The following TAP1 variants were observed in gnomAD, a reference collection of about 807,000 sequenced individuals.
TAP1 encodes the protein transporter 1, ATP binding cassette subfamily B member.
A neutral mutation model predicts 79.3 loss-of-function variants in TAP1; 56 were observed. That is an observed-to-expected ratio of 0.71 (90% CI 0.57 to 0.88). TAP1 has a LOEUF of 0.88. Ranked by LOEUF, TAP1 falls within the 40% of genes least tolerant of loss-of-function variation. TAP1 has a pLI of 0.00. For synonymous variants in TAP1, 355 were observed against 401.4 expected (o/e 0.88, Z 1.38); for missense variants, 737 against 936.3 (o/e 0.79, Z 2.78).
chr6:32,853,403 T>C lies in TAP1; in HGVS notation c.234A>G (p.Ala78=), dbSNP rs771458732. The C allele has an allele frequency of 1.9e-6, 3 of 1,609,734 alleles. No individual in the cohort carries two copies. Among genetic ancestry groups the C allele is most frequent in the Non-Finnish European group, 2.5e-6 (3 of 1,178,590 alleles). The part of the protein sequence containing the change: ...LWLGACGVLR[A]TVGSKSENAG... The stretch of plus-strand genomic sequence containing the variant: ...CGTTTTCGCTCTTGGAGCCAACCGT[T>C]GCCCTGAGGACCCCGCAGGCCCCCA... The change falls in exon 1 of 11, where the codon GCA becomes GCG. Residue 78 remains alanine (A), a synonymous_variant. Coordinates refer to ENST00000354258, the MANE Select transcript of TAP1 (RefSeq NM_000593.6). The surrounding 1 kb of genome is among the most constrained non-coding windows in gnomAD (Gnocchi z 8.3).
rs1770313889 is a variant in TAP1, at chr6:32,845,573, A to C, written c.*6T>G. On this transcript the variant is annotated 3_prime_UTR_variant, in exon 11 of 11. Coordinates refer to ENST00000354258, the MANE Select transcript of TAP1 (RefSeq NM_000593.6). This position sits in a 1 kb window ranked among gnomAD's most constrained non-coding sequence, Gnocchi z 4.5. ...GGAGATGGAGTGCGCAGGTCTGAGA[A>C]GGCTTTCATTCTGGAGCATCTGCAG... 5.6e-6 allele frequency: 9 copies of C among 1,612,900 alleles called. No individual in the cohort carries two copies. Among genetic ancestry groups the C allele is most frequent in the African/African-American group, 1.3e-5 (1 of 74,914 alleles).
Position 32,851,937 on chromosome 6 carries a change from G to GAC in TAP1, c.844+171_844+172insGT, listed in dbSNP as rs775242116. Among the ~76,000 whole-genome samples, 1 of 151,224 alleles carries GAC rather than the reference G, an allele frequency of 6.6e-6. No homozygotes were observed. Among genetic ancestry groups the GAC allele is most frequent in the Non-Finnish European group, 1.5e-5 (1 of 67,828 alleles). On this transcript the variant is annotated intron_variant, in intron 3 of 10. Coordinates refer to ENST00000354258, the MANE Select transcript of TAP1 (RefSeq NM_000593.6). This position sits in a 1 kb window ranked among gnomAD's most constrained non-coding sequence, Gnocchi z 4.8. Reference sequence around the variant, plus strand: ...TGTGTGTGTGTGTGAGAGAGAGAGAGAGAGAGACAGAGACAGAGAGAGAGA... The same window carrying GAC: ...TGTGTGTGTGTGTGAGAGAGAGAGAGACAGAGAGACAGAGACAGAGAGAGAGA...
Position 32,847,783 on chromosome 6 carries a change from T to G in TAP1, c.1741-108A>C. On this transcript the variant is annotated intron_variant, in intron 8 of 10. Transcript: ENST00000354258. This position sits in a 1 kb window ranked among gnomAD's most constrained non-coding sequence, Gnocchi z 4.7. ...TTGAGAACATGTCACAAAATCATAC[T>G]ACCTCCCTCCTGACTACACCACCAT... is the stretch of plus-strand genomic sequence containing the variant. 1 of 1,557,810 alleles carries G rather than the reference T, an allele frequency of 6.4e-7. No homozygotes were observed. The highest frequency in any genetic ancestry group is 8.8e-7 in the Non-Finnish European group (1 of 1,131,512).
In TAP1 at chr6:32,845,687, G is replaced by T. The variant is rs1055956289; in HGVS notation, c.2139C>A (p.Leu713=). ...CCCGGATAGCGCCTCCTTCCAGAAA[G>T]AGGATGTGGTCAGCCTGCTCCACCA... ...LSLVEQADHI[L]FLEGGAIREG... Residue 713 remains leucine (L), a synonymous_variant, in exon 11 of 11, where the codon CTC becomes CTA. Coordinates refer to ENST00000354258, the MANE Select transcript of TAP1 (RefSeq NM_000593.6). The surrounding 1 kb of genome is among the most constrained non-coding windows in gnomAD (Gnocchi z 4.5). The T allele has an allele frequency of 2.5e-6, 4 of 1,612,984 alleles. No individual in the cohort carries two copies. Among genetic ancestry groups the T allele is most frequent in the Non-Finnish European group, 3.4e-6 (4 of 1,180,048 alleles).
chr6:32,852,778 G>T lies in TAP1; in HGVS notation c.598+261C>A. On this transcript the variant is annotated intron_variant, in intron 1 of 10. Coordinates refer to ENST00000354258, the MANE Select transcript of TAP1 (RefSeq NM_000593.6). The surrounding 1 kb of genome is among the most constrained non-coding windows in gnomAD (Gnocchi z 4.8). ...AGAGATGAGGATGCCCCGCCCTTCG[G>T]CCCCAGAGCAAAGGATTTCCCCGCT... is the stretch of plus-strand genomic sequence containing the variant. The T allele has an allele frequency of 6.9e-7, 1 of 1,441,196 alleles. No homozygotes were observed. The highest frequency in any genetic ancestry group is 9.0e-7 in the Non-Finnish European group (1 of 1,105,752). 89.3% of individuals were successfully genotyped at this position (1,441,196 alleles called of 1,614,324 possible). A position where few individuals can be genotyped will look rare whatever the true frequency, so the allele number is the denominator to read the frequency against.
chr6:32,852,056 G>A lies in TAP1; in HGVS notation c.844+53C>T, dbSNP rs1770816882. The A allele has an allele frequency of 1.2e-6, 2 of 1,611,598 alleles. No homozygotes were observed. Among genetic ancestry groups the A allele is most frequent in the South Asian group, 1.1e-5 (1 of 91,042 alleles). On this transcript the variant is annotated intron_variant, in intron 3 of 10. Transcript: ENST00000354258. The surrounding 1 kb of genome is among the most constrained non-coding windows in gnomAD (Gnocchi z 4.8). ...GGGGAGGGGGGAGATCAAAGCAGAT[G>A]TATGAGGATATGAACAGTACATGGC...
Position 32,853,535 on chromosome 6 carries a change from C to A in TAP1, c.102G>T (p.Val34=). Residue 34 remains valine, a synonymous_variant, in exon 1 of 11, where the codon GTG becomes GTT. Coordinates refer to ENST00000354258, the MANE Select transcript of TAP1 (RefSeq NM_000593.6). This position sits in a 1 kb window ranked among gnomAD's most constrained non-coding sequence, Gnocchi z 8.3. ...GTVLLLLADW[V]LLRTALPRIF... ...TGCGGGGCAGCGCGGTCCGGAGCAG[C>A]ACCCAGTCGGCGAGAAGTAGCAGTA... is the stretch of plus-strand genomic sequence containing the variant. 3 of 1,610,536 alleles carry A rather than the reference C, an allele frequency of 1.9e-6. No homozygotes were observed. Among genetic ancestry groups the A allele is most frequent in the Non-Finnish European group, 2.5e-6 (3 of 1,178,178 alleles).
At position 32,853,180 on chromosome 6, in the gene TAP1, G is replaced by A. The variant is rs960438813; in HGVS notation, c.457C>T (p.Leu153=). ...CAGAGGCTCCCGAGTTTGTGCCACA[G>A]GGCTGCTGCGGGCAGTGCCGCTGCA... The part of the protein sequence containing the change: ...SYAAALPAAA[L]WHKLGSLWVP... Residue 153 remains leucine, a synonymous_variant, in exon 1 of 11, where the codon CTG becomes TTG. Transcript: ENST00000354258. This position sits in a 1 kb window ranked among gnomAD's most constrained non-coding sequence, Gnocchi z 8.3. 2.5e-6 allele frequency: 4 copies of A among 1,612,492 alleles called. No individual in the cohort carries two copies. The highest frequency in any genetic ancestry group is 1.7e-5 in the Admixed American group (1 of 59,962).
At position 32,853,181 on chromosome 6, in the gene TAP1, G is replaced by A. The variant is rs1005586837; in HGVS notation, c.456C>T (p.Ala152=). The A allele has an allele frequency of 5.6e-6, 9 of 1,612,404 alleles. No homozygotes were observed. The highest frequency in any genetic ancestry group is 5.0e-5 in the Admixed American group (3 of 59,950). ...AGAGGCTCCCGAGTTTGTGCCACAG[G>A]GCTGCTGCGGGCAGTGCCGCTGCAT... ...VSYAAALPAA[A]LWHKLGSLWV... Residue 152 remains alanine, a synonymous_variant, in exon 1 of 11, where the codon GCC becomes GCT. Coordinates refer to ENST00000354258, the MANE Select transcript of TAP1 (RefSeq NM_000593.6). The surrounding 1 kb of genome is among the most constrained non-coding windows in gnomAD (Gnocchi z 8.3).
rs751631053 is a variant in TAP1 at position 32,853,607 on chromosome 6, G to A, written c.30C>T (p.Arg10=). ...AAGCTCCGGGGAGGCAGCGGCACCCGCGGGGAGCGGGACACCTAGAGCTAG... is the reference window on the plus strand; with the variant it reads ...AAGCTCCGGGGAGGCAGCGGCACCCACGGGGAGCGGGACACCTAGAGCTAG... MASSRCPAP[R]GCRCLPGASL... The change falls in exon 1 of 11, where the codon CGC becomes CGT. Residue 10 remains arginine, a synonymous_variant. Transcript: ENST00000354258. This position sits in a 1 kb window ranked among gnomAD's most constrained non-coding sequence, Gnocchi z 8.3. 2.5e-6 allele frequency: 4 copies of A among 1,612,334 alleles called. No homozygotes were observed. The highest frequency in any genetic ancestry group is 3.4e-6 in the Non-Finnish European group (4 of 1,179,742).
intron 5 of TAP1, chr6:32,849,401 A>C: frequency 1.9e-6 from 1 of 534,208 alleles, no homozygotes; most frequent in South Asian, 2.1e-5. Context: ...CAGCTAATAC[A>C]TGAAGAGCCT....
Position 32,853,478 on chromosome 6 carries a change from T to A in TAP1, c.159A>T (p.Pro53=), listed in dbSNP as rs144037908. Residue 53 remains proline, a synonymous_variant, in exon 1 of 11, where the codon CCA becomes CCT. Transcript: ENST00000354258. This position sits in a 1 kb window ranked among gnomAD's most constrained non-coding sequence, Gnocchi z 8.3. ...IFSLLVPTAL[P]LLRVWAVGLS... is the part of the protein sequence containing the mutation. ...GGCCCACCGCCCAGACCCGGAGCAG[T>A]GGCAGCGCGGTGGGCACCAGCAGGG... The A allele has an allele frequency of 2.5e-6, 4 of 1,610,168 alleles. No homozygotes were observed. The highest frequency in any genetic ancestry group is 3.4e-6 in the Non-Finnish European group (4 of 1,178,074).
At position 32,850,570 on chromosome 6, in the gene TAP1, A is replaced by AC; in HGVS notation, c.1051-54dup. ...CACGGGTTGGCAAACCATCAGGGAC[A>AC]CTAATACCTGAGTTACCTATTTGGA... On this transcript the variant is annotated intron_variant, in intron 4 of 10. Transcript: ENST00000354258. The surrounding 1 kb of genome is among the most constrained non-coding windows in gnomAD (Gnocchi z 5.5). The AC allele has an allele frequency of 6.8e-7, 1 of 1,475,740 alleles. No homozygotes were observed. The highest frequency in any genetic ancestry group is 9.4e-7 in the Non-Finnish European group (1 of 1,065,416). 91.4% of individuals were successfully genotyped at this position (1,475,740 alleles called of 1,614,324 possible).
rs1011539969 is a variant in TAP1 at position 32,851,108 on chromosome 6, T to G, written c.886A>C (p.Ser296Arg). 11 of 1,612,822 alleles carry G rather than the reference T, an allele frequency of 6.8e-6. No individual in the cohort carries two copies. The highest frequency in any genetic ancestry group is 9.3e-6 in the Non-Finnish European group (11 of 1,180,008). Residue 296 changes from serine (S) to arginine (R), a missense_variant, in exon 4 of 11, where the codon AGT (serine) becomes CGT (arginine). Physicochemically the swap from Ser to Arg is moderately radical, Grantham distance 110 (BLOSUM62 -1). This residue lies in a region of TAP1 where 406 missense variants were observed against 477.2 expected (regional missense o/e 0.85). Transcript: ENST00000354258. The surrounding 1 kb of genome is among the most constrained non-coding windows in gnomAD (Gnocchi z 4.8). Reference sequence around the variant, plus strand: ...CTCAGATTCTCACTCAGAGAATCACTCAGGGTGGACGTGTCCTCTGTTACC... The same window carrying G: ...CTCAGATTCTCACTCAGAGAATCACGCAGGGTGGACGTGTCCTCTGTTACC... ...SRVTEDTSTL[S>R]DSLSENLSLF... is the part of the protein sequence containing the mutation.
intron 6 of TAP1, 51 bp from the exon 7 acceptor site, chr6:32,848,891 A>T (rs765197551): frequency 6.2e-7 from 1 of 1,612,976 alleles, no homozygotes; most frequent in Non-Finnish European, 8.5e-7. Flanking sequence ...TGCCAGCATT[A>T]TGTGAAGCAA....
Position 32,845,672 on chromosome 6 carries a change from G to A in TAP1, c.2154C>T (p.Gly718=), listed in dbSNP as rs748368417. The A allele has an allele frequency of 8.7e-5, 141 of 1,612,926 alleles. No individual in the cohort carries two copies. Among genetic ancestry groups the A allele is most frequent in the Admixed American group, 1.7e-4 (10 of 60,012 alleles). The change falls in exon 11 of 11, where the codon GGC becomes GGT. Residue 718 remains glycine (G), a synonymous_variant. Coordinates refer to ENST00000354258, the MANE Select transcript of TAP1 (RefSeq NM_000593.6). The surrounding 1 kb of genome is among the most constrained non-coding windows in gnomAD (Gnocchi z 4.5). Reference sequence around the variant, plus strand: ...GGTGGGTTCCCCCCTCCCGGATAGCGCCTCCTTCCAGAAAGAGGATGTGGT... The same window carrying A: ...GGTGGGTTCCCCCCTCCCGGATAGCACCTCCTTCCAGAAAGAGGATGTGGT... ...QADHILFLEG[G]AIREGGTHQQ...
At position 32,847,874 on chromosome 6, in the gene TAP1, G is replaced by A. The variant is rs56225508; in HGVS notation, c.1740+45C>T. 4,447 of 1,612,186 alleles carry A rather than the reference G, an allele frequency of 2.8e-3. 216 individuals carry two copies. The East Asian group carries it at 0.075, about 27-fold the overall frequency. On this transcript the variant is annotated intron_variant, in intron 8 of 10. Coordinates refer to ENST00000354258, the MANE Select transcript of TAP1 (RefSeq NM_000593.6). This position sits in a 1 kb window ranked among gnomAD's most constrained non-coding sequence, Gnocchi z 4.7. ...AGAGTGCTCAGTAAGAATGCTCTTC[G>A]TATTTGATGCTCCCTGCCCTCCTTC...
Position 32,847,834 on chromosome 6 carries a change from C to T in TAP1, c.1740+85G>A. ...CTCCACCCAAGGTCTCTTATCATTC[C>T]CTAACCCCTCTTTCAGAGTGCTCAG... is the stretch of plus-strand genomic sequence containing the variant. On this transcript the variant is annotated intron_variant, in intron 8 of 10. Coordinates refer to ENST00000354258, the MANE Select transcript of TAP1 (RefSeq NM_000593.6). This position sits in a 1 kb window ranked among gnomAD's most constrained non-coding sequence, Gnocchi z 4.7. The T allele has an allele frequency of 6.2e-7, 1 of 1,600,360 alleles. No individual in the cohort carries two copies. The highest frequency in any genetic ancestry group is 8.6e-7 in the Non-Finnish European group (1 of 1,168,794).
Position 32,848,848 on chromosome 6 carries a change from G to C in TAP1, c.1378-8C>G, listed in dbSNP as rs1770607167. 5 of 1,613,694 alleles carry C rather than the reference G, an allele frequency of 3.1e-6. No homozygotes were observed. The highest frequency in any genetic ancestry group is 4.2e-6 in the Non-Finnish European group (5 of 1,180,008). On this transcript the variant is annotated splice_polypyrimidine_tract_variant and splice_region_variant and intron_variant, in intron 6 of 10. Coordinates refer to ENST00000354258, the MANE Select transcript of TAP1 (RefSeq NM_000593.6). ...GTAGATGGAGAGCAGTACCTAGAGGGAGGTAAGAATAGTGAAAGTGAGGTA... is the reference window on the plus strand; with the variant it reads ...GTAGATGGAGAGCAGTACCTAGAGGCAGGTAAGAATAGTGAAAGTGAGGTA...
Sources: gnomAD v4.1 joint callset for allele counts (sites outside exome capture counted in the v4.1 genomes callset) on GRCh38, gnomAD v4.1.1 for gene constraint, gnomAD v4.1.1 regional missense constraint, Gnocchi (gnomAD v3.1) non-coding constraint, MANE v1.5 for transcripts, NCBI Gene and HGNC (gene_info 2026-07-23, HGNC 2026-07-21) for gene names.